The following RPTOR variants were observed in gnomAD, a reference collection of about 807,000 sequenced individuals.
RPTOR encodes the protein regulatory-associated protein of mTOR.
A neutral mutation model predicts 169.9 loss-of-function variants in RPTOR; 21 were observed. The observed-to-expected ratio is 0.12, with a 90% CI of 0.09 to 0.18. RPTOR has a LOEUF of 0.18. Among genes scored for constraint, RPTOR ranks in the 10% least tolerant of loss-of-function variants. The pLI is 1.00. For missense variants in RPTOR, 1,133 were observed against 1,855.9 expected, an observed-to-expected ratio of 0.61 and a Z score of 7.16; for synonymous variants, 732 against 753.2, an observed-to-expected ratio of 0.97 and a Z score of 0.46.
chr17:80,842,465 A>G (rs2067682011), intron 10 of RPTOR, among the ~76,000 whole-genome samples: 1 of 152,242 alleles, frequency 6.6e-6, no homozygotes, highest in East Asian at 1.9e-4. Flanking sequence ...TCGGGGTCCC[A>G]GGGTTTGCCC....
intron 20 of RPTOR, among the ~76,000 whole-genome samples, chr17:80,897,625 C>T (rs2068423149): frequency 6.6e-6 from 1 of 152,238 alleles, no homozygotes; most frequent in African/African-American, 2.4e-5. Flanking sequence ...GCCTTACGCT[C>T]ACCAGCTATT....
At chr17:80,561,435 T>G (rs189094566) in intron 1 of RPTOR, among the ~76,000 whole-genome samples, 165 of 149,686 alleles carry the variant, frequency 1.1e-3, no homozygotes, top group South Asian at 5.1e-3. Context: ...TTTATTTTTA[T>G]TTTTAGTTTT....
intron 6 of RPTOR, among the ~76,000 whole-genome samples, chr17:80,775,393 C>G (rs1404756983): frequency 6.6e-6 from 1 of 152,192 alleles, no homozygotes; most frequent in East Asian, 1.9e-4. Context: ...CTGCAGGTGT[C>G]AGCCCCATAC....
rs2143618098 is a variant in RPTOR, at chr17:80,823,129, C to T, written c.1042C>T (p.Arg348Ter). ...RQDLLVASLF[R>*]NFLLAERIMR... is the part of the protein sequence containing the mutation. ...GGACTTGCTGGTGGCTAGTCTGTTT[C>T]GAAATTTTTTATTGGCGGAAAGGAT... Residue 348 changes from arginine (R) to a stop codon, truncating the protein, a stop_gained, in exon 9 of 34, where the codon CGA becomes TGA. Transcript: ENST00000306801. LOFTEE classifies it high-confidence loss of function. This position sits in a 1 kb window ranked among gnomAD's most constrained non-coding sequence, Gnocchi z 4.5. 6.2e-7 allele frequency: 1 copy of T among 1,614,130 alleles called. No individual in the cohort carries two copies.
At chr17:80,915,939 A>G (rs1012315136) in intron 21 of RPTOR, among the ~76,000 whole-genome samples, 4 of 152,122 alleles carry the variant, frequency 2.6e-5, no homozygotes, top group Admixed American at 6.5e-5. Flanking sequence ...TGAGAGCAGA[A>G]CACTTATCAG....
At chr17:80,569,822 C>T (rs1488369466) in intron 1 of RPTOR, among the ~76,000 whole-genome samples, 4 of 152,288 alleles carry the variant, frequency 2.6e-5, no homozygotes, top group Non-Finnish European at 5.9e-5. Context: ...CTGTGCCTAA[C>T]GTTGTGGCCT....
chr17:80,687,301 C>G (rs1442923053), intron 3 of RPTOR, among the ~76,000 whole-genome samples: 1 of 152,220 alleles, frequency 6.6e-6, no homozygotes, highest in Non-Finnish European at 1.5e-5. Context: ...CACACCATCC[C>G]TCACATGCAC....
At chr17:80,756,105 G>A (rs888610368) in intron 6 of RPTOR, among the ~76,000 whole-genome samples, 1 of 152,244 alleles carries the variant, frequency 6.6e-6, no homozygotes, top group Non-Finnish European at 1.5e-5. Flanking sequence ...AATCCCCCAC[G>A]CAACAGTGTT....
At chr17:80,938,594 G>A (rs1423543905) in intron 24 of RPTOR, among the ~76,000 whole-genome samples, 1 of 152,136 alleles carries the variant, frequency 6.6e-6, no homozygotes, top group Non-Finnish European at 1.5e-5. Context: ...TTGCCGTTGC[G>A]GGATTATTTC....
intron 1 of RPTOR, among the ~76,000 whole-genome samples, chr17:80,625,057 G>A (rs910573235): frequency 2.6e-5 from 4 of 152,152 alleles, no homozygotes; most frequent in African/African-American, 9.7e-5. Context: ...CAGGTGACCC[G>A]GGGGAGGGGA....
intron 7 of RPTOR, among the ~76,000 whole-genome samples, chr17:80,816,847 G>A (rs1009332584): frequency 6.6e-6 from 1 of 152,160 alleles, no homozygotes; most frequent in South Asian, 2.1e-4. Flanking sequence ...CAGGCATAAG[G>A]CCCCAGCGGC....
chr17:80,751,107 T>A (rs981560042), intron 5 of RPTOR, among the ~76,000 whole-genome samples: 2 of 152,200 alleles, frequency 1.3e-5, no homozygotes, highest in Non-Finnish European at 2.9e-5. Context: ...AAAACAAAGT[T>A]TGTCAGAGTC....
At chr17:80,930,578 C>T (rs1211336659) in intron 24 of RPTOR, among the ~76,000 whole-genome samples, 1 of 149,506 alleles carries the variant, frequency 6.7e-6, no homozygotes, top group East Asian at 1.9e-4. Flanking sequence ...GGCTCCACCC[C>T]AGCTGCAGCT....
At chr17:80,897,132 G>T (rs753690298) in intron 20 of RPTOR, among the ~76,000 whole-genome samples, 1 of 151,876 alleles carries the variant, frequency 6.6e-6, no homozygotes, top group African/African-American at 2.4e-5. Context: ...GTGGTGGTGC[G>T]CACCTGTAGT....
chr17:80,867,969 A>G (rs1361075633), intron 13 of RPTOR, among the ~76,000 whole-genome samples: 2 of 152,218 alleles, frequency 1.3e-5, no homozygotes, highest in African/African-American at 4.8e-5. Context: ...TTTGAAAAAG[A>G]AAAACACAGT....
intron 1 of RPTOR, among the ~76,000 whole-genome samples, chr17:80,601,362 G>A (rs149523387): frequency 5.8e-5 from 1 of 17,118 alleles, no homozygotes; most frequent in East Asian, 8.8e-4. Context: ...TGAGGGTTGG[G>A]GACCTGGCTG....
At chr17:80,872,881 A>G (rs909862972) in intron 13 of RPTOR, among the ~76,000 whole-genome samples, 1 of 151,986 alleles carries the variant, frequency 6.6e-6, no homozygotes, top group Non-Finnish European at 1.5e-5. Flanking sequence ...CCCATGATTG[A>G]TGGTTAGGCT....
intron 6 of RPTOR, among the ~76,000 whole-genome samples, chr17:80,766,003 A>G (rs2066783277): frequency 6.6e-6 from 1 of 152,186 alleles, no homozygotes. Flanking sequence ...AACATTTGTA[A>G]TTATCTGTTT....
rs536058863 is a variant in RPTOR at position 80,729,024 on chromosome 17, C to A, written c.508-1536C>A. On this transcript the variant is annotated intron_variant, in intron 4 of 33. Transcript: ENST00000306801. ...CGATGATGTACGTGTCTCCACACAC[C>A]CCCCACACATCTGCGTCGTTGGTAT... Among the ~76,000 whole-genome samples, 4 of 152,250 alleles carry A rather than the reference C, an allele frequency of 2.6e-5. No individual in the cohort carries two copies. In the East Asian group the frequency reaches 7.7e-4, roughly 29 times the overall value.
Sources: gnomAD v4.1 joint callset for allele counts (sites outside exome capture counted in the v4.1 genomes callset) on GRCh38, gnomAD v4.1.1 for gene constraint, Gnocchi (gnomAD v3.1) non-coding constraint, MANE v1.5 for transcripts, NCBI Gene and HGNC (gene_info 2026-07-23, HGNC 2026-07-21) for gene names.